PDE6C: variants seen among roughly 807,000 people sequenced by gnomAD.
The protein encoded by PDE6C is cone cGMP-specific 3',5'-cyclic phosphodiesterase subunit alpha'.
A neutral mutation model predicts 113.1 loss-of-function variants in PDE6C; 75 were observed. The observed-to-expected ratio is 0.66, with a 90% CI of 0.55 to 0.80. The LOEUF is 0.80. Among genes scored for constraint, PDE6C ranks in the 30% least tolerant of loss-of-function variants. The pLI is 0.00. For synonymous variants in PDE6C, 375 were observed against 363.7 expected (o/e 1.03, Z -0.35); for missense variants, 912 against 1,038.6 (o/e 0.88, Z 1.67).
chr10:93,641,098 C>A (rs183302276), intron 14 of PDE6C, 69 bp downstream of exon 14: 11 of 932,264 alleles, frequency 1.2e-5, no homozygotes, highest in Non-Finnish European at 1.8e-5. Context: ...GTGAGAAAAA[C>A]GCTTCTCCCT....
At chr10:93,632,937 TC>T (rs2058508809) in intron 8 of PDE6C, among the ~76,000 whole-genome samples, 1 of 152,158 alleles carries the variant, frequency 6.6e-6, no homozygotes, top group African/African-American at 2.4e-5. Flanking sequence ...CAGTTGGAAT[TC>T]CAAAACAGAA....
At chr10:93,636,365 GCTTTGTGT>G (rs1038885391) in intron 10 of PDE6C, among the ~76,000 whole-genome samples, 5 of 23,434 alleles carry the variant, frequency 2.1e-4, no homozygotes, top group South Asian at 1.5e-3. Context: ...TATTTCCCTG[GCTTTGTGT>G]GTGTGTGTGT....
chr10:93,664,623 T>C (rs973672421), intron 21 of PDE6C, among the ~76,000 whole-genome samples: 1 of 152,234 alleles, frequency 6.6e-6, no homozygotes, highest in Non-Finnish European at 1.5e-5. Flanking sequence ...CTCAACTTTA[T>C]TATGAAGAGA....
intron 15 of PDE6C, among the ~76,000 whole-genome samples, chr10:93,654,802 C>CTTTCTTTCTTTCTTTCTTTCTTTCT (rs1263927055): frequency 3.6e-5 from 3 of 82,646 alleles, no homozygotes; most frequent in African/African-American, 1.4e-4. Context: ...TTCTTTCTTT[C>CTTTCTTTCTTTCTTTCTTTCTTTCT]TTTCTTTCTT....
chr10:93,657,396 A>G (rs113843558), intron 16 of PDE6C, among the ~76,000 whole-genome samples: 1,840 of 122,496 alleles, frequency 0.015, 18 homozygotes, highest in Middle Eastern at 0.028. Flanking sequence ...GTTGGCCAGG[A>G]TGGTCTCTCT....
intron 18 of PDE6C, 92 bp downstream of exon 18, chr10:93,659,259 G>C: frequency 3.4e-6 from 3 of 883,722 alleles, no homozygotes; most frequent in Non-Finnish European, 5.6e-6. Flanking sequence ...GGCAACCTCA[G>C]AATTCTGAAA....
At chr10:93,625,331 T>A (rs1367355921) in intron 4 of PDE6C, among the ~76,000 whole-genome samples, 2 of 152,216 alleles carry the variant, frequency 1.3e-5, no homozygotes, top group Admixed American at 6.5e-5. Flanking sequence ...ATTCATTTAA[T>A]CCTCACAACA....
chr10:93,641,475 C>T (rs577152098), intron 14 of PDE6C, among the ~76,000 whole-genome samples: 17 of 151,978 alleles, frequency 1.1e-4, no homozygotes, highest in Non-Finnish European at 2.2e-4. Flanking sequence ...ACTAAAAGTA[C>T]AAAAATTAGT....
rs1242826309 is a variant in PDE6C, at chr10:93,655,609, C to T, written c.1936-151C>T. 18 of 462,532 alleles carry T rather than the reference C, an allele frequency of 3.9e-5. No homozygotes were observed. In the African/African-American group the frequency reaches 1.0e-3, roughly 27 times the overall value. 28.7% of individuals were successfully genotyped at this position (462,532 alleles called of 1,614,324 possible). Reference sequence around the variant, plus strand: ...CCATGAGATAAAAACTAAAAGCAAGCCAAAAAAAAAAAAAAAAAAGGAAGG... The same window carrying T: ...CCATGAGATAAAAACTAAAAGCAAGTCAAAAAAAAAAAAAAAAAAGGAAGG... On this transcript the variant is annotated intron_variant, in intron 15 of 21. Coordinates refer to ENST00000371447, the MANE Select transcript of PDE6C (RefSeq NM_006204.4).
At chr10:93,619,276 CCT>C (rs2134592666) in intron 1 of PDE6C, among the ~76,000 whole-genome samples, 1 of 152,210 alleles carries the variant, frequency 6.6e-6, no homozygotes, top group South Asian at 2.1e-4. Context: ...GATCCACTTT[CCT>C]CTCTCCCAGA....
chr10:93,662,429 C>T (rs898175928), intron 19 of PDE6C, 131 bp from the exon 20 acceptor site: 1 of 568,528 alleles, frequency 1.8e-6, no homozygotes, highest in Non-Finnish European at 3.2e-6. Flanking sequence ...TGGCACTGCA[C>T]CCAGACTGGA....
intron 19 of PDE6C, 151 bp downstream of exon 19, chr10:93,662,284 G>A (rs1451078003): frequency 8.7e-6 from 6 of 690,810 alleles, no homozygotes; most frequent in Non-Finnish European, 1.6e-5. Flanking sequence ...CCAACATGGT[G>A]TAACCCCGTT....
chr10:93,622,215 C>A (rs1035712580), intron 4 of PDE6C, 143 bp downstream of exon 4: 5 of 890,842 alleles, frequency 5.6e-6, no homozygotes, highest in African/African-American at 3.3e-5. Flanking sequence ...AAGTGTGTGT[C>A]TTGGAGCAAA....
At chr10:93,642,811 T>G (rs1395245514) in intron 14 of PDE6C, among the ~76,000 whole-genome samples, 1 of 152,200 alleles carries the variant, frequency 6.6e-6, no homozygotes, top group East Asian at 1.9e-4. Flanking sequence ...GAAAAGCACT[T>G]TGTAAGCAGT....
chr10:93,663,381 G>A (rs557645061), intron 21 of PDE6C, among the ~76,000 whole-genome samples: 1 of 152,250 alleles, frequency 6.6e-6, no homozygotes, highest in African/African-American at 2.4e-5. Flanking sequence ...ACTCCAGATC[G>A]AATTGACCGG....
intron 14 of PDE6C, among the ~76,000 whole-genome samples, chr10:93,644,146 T>TA (rs1326094700): frequency 6.6e-6 from 1 of 152,228 alleles, no homozygotes; most frequent in Non-Finnish European, 1.5e-5. Flanking sequence ...GCAGGAATAC[T>TA]ACATAGATGA....
At chr10:93,659,070 T>C (rs1228749727) in intron 17 of PDE6C, 34 bp from the exon 18 acceptor site, 5 of 1,586,316 alleles carry the variant, frequency 3.2e-6, no homozygotes, top group Non-Finnish European at 4.3e-6. Context: ...TTTGTACTTA[T>C]TTCTATTTTA....
At chr10:93,615,620 G>T (rs1410286099) in intron 1 of PDE6C, among the ~76,000 whole-genome samples, 1 of 152,184 alleles carries the variant, frequency 6.6e-6, no homozygotes, top group African/African-American at 2.4e-5. Flanking sequence ...GACCTCAGGT[G>T]ATCCACCTGT....
At chr10:93,629,866 TCTC>T (rs2134602019) in intron 8 of PDE6C, among the ~76,000 whole-genome samples, 1 of 152,178 alleles carries the variant, frequency 6.6e-6, no homozygotes, top group African/African-American at 2.4e-5. Flanking sequence ...TACCCACTGC[TCTC>T]CTCCTGCTGT....
Sources: gnomAD v4.1 joint callset for allele counts (sites outside exome capture counted in the v4.1 genomes callset) on GRCh38, gnomAD v4.1.1 for gene constraint, MANE v1.5 for transcripts, NCBI Gene and HGNC (gene_info 2026-07-23, HGNC 2026-07-21) for gene names.